The following YEATS4 variants were observed in gnomAD, a reference collection of about 807,000 sequenced individuals.
YEATS4 encodes YEATS domain containing 4.
Under a neutral mutation model 30.1 loss-of-function variants are expected in YEATS4, and 17 were observed. The ratio of observed to expected loss-of-function variants is 0.56; its 90% CI spans 0.39 to 0.85. The LOEUF is 0.85. Among genes scored for constraint, YEATS4 ranks in the 40% least tolerant of loss-of-function variants. YEATS4 has a pLI of 0.00. For missense variants in YEATS4, 142 were observed against 268.3 expected (o/e 0.53, Z 3.29); for synonymous variants, 85 against 87.5 (o/e 0.97, Z 0.16).
the YEATS4 span, among the ~76,000 whole-genome samples, chr12:69,405,354 A>C: frequency 2.0e-5 from 3 of 152,250 alleles, no homozygotes; most frequent in African/African-American, 7.2e-5. Flanking sequence ...TAATAATAAA[A>C]TAGAACAATT....
downstream of YEATS4, among the ~76,000 whole-genome samples, chr12:69,395,285 T>C (rs2603079): frequency 0.36 from 54,071 of 151,936 alleles, 10,944 homozygotes; most frequent in African/African-American, 0.57. Context: ...AGAATTTTCA[T>C]TACAGCATTA....
intron 4 of YEATS4, among the ~76,000 whole-genome samples, chr12:69,366,186 A>C (rs1468299788): frequency 6.6e-6 from 1 of 152,162 alleles, no homozygotes; most frequent in African/African-American, 2.4e-5. Context: ...AGTAATAAAT[A>C]AGTTGAGCCC....
the YEATS4 span, among the ~76,000 whole-genome samples, chr12:69,399,015 C>T: frequency 6.6e-6 from 1 of 150,920 alleles, no homozygotes; most frequent in African/African-American, 2.4e-5. Context: ...GGCATGGTGG[C>T]GGGTGCCTGT....
At chr12:69,411,229 A>G in the YEATS4 span, among the ~76,000 whole-genome samples, 1 of 152,212 alleles carries the variant, frequency 6.6e-6, no homozygotes, top group Admixed American at 6.5e-5. Flanking sequence ...TCTCTGGCTC[A>G]GGTGATCCTC....
chr12:69,387,207 G>A (rs1189478058), intron 6 of YEATS4, among the ~76,000 whole-genome samples: 4 of 152,132 alleles, frequency 2.6e-5, no homozygotes, highest in African/African-American at 7.2e-5. Context: ...TTGTAGAAAG[G>A]GAGAAATGTC....
At chr12:69,362,019 T>TG (rs1356513230) in intron 1 of YEATS4, among the ~76,000 whole-genome samples, 1 of 49,644 alleles carries the variant, frequency 2.0e-5, no homozygotes. Context: ...GGTTGTTTTT[T>TG]TTTTTTTTTT....
At chr12:69,376,418 T>A (rs969215863) in intron 6 of YEATS4, among the ~76,000 whole-genome samples, 1 of 152,198 alleles carries the variant, frequency 6.6e-6, no homozygotes, top group African/African-American at 2.4e-5. Context: ...CAAGGCTAAT[T>A]TGACTTCTGC....
At chr12:69,373,930 T>A (rs1875741420) in intron 6 of YEATS4, among the ~76,000 whole-genome samples, 1 of 152,172 alleles carries the variant, frequency 6.6e-6, no homozygotes, top group Non-Finnish European at 1.5e-5. Flanking sequence ...AAAAATGAGT[T>A]CCCTGTAAGT....
At chr12:69,378,538 A>G (rs1413757192) in intron 6 of YEATS4, among the ~76,000 whole-genome samples, 2 of 150,954 alleles carry the variant, frequency 1.3e-5, no homozygotes, top group African/African-American at 4.9e-5. Flanking sequence ...TTTCTCTTTT[A>G]TGTTTCTAGG....
intron 5 of YEATS4, 43 bp downstream of exon 5, chr12:69,370,841 T>G: frequency 6.3e-7 from 1 of 1,598,556 alleles, no homozygotes. Flanking sequence ...CATTTGAAGT[T>G]GGAGAACTTT....
At chr12:69,404,420 G>C in the YEATS4 span, among the ~76,000 whole-genome samples, 1 of 152,182 alleles carries the variant, frequency 6.6e-6, no homozygotes, top group African/African-American at 2.4e-5. Context: ...GATTAAAGCT[G>C]TTTTCTCAGA....
chr12:69,370,927 A>G lies in YEATS4; in HGVS notation c.466A>G (p.Thr156Ala). 1 of 1,613,486 alleles carries G rather than the reference A, an allele frequency of 6.2e-7. No homozygotes were observed. Residue 156 changes from threonine (T) to alanine (A), a missense_variant, in exon 6 of 7, where the codon ACA (threonine) becomes GCA (alanine). Transcript: ENST00000247843. Reference protein sequence around the residue: ...DPTAMMQQLLTTSRQLTLGAY... With the variant: ...DPTAMMQQLLATSRQLTLGAY... Reference sequence around the variant, plus strand: ...AACAGCAATGATGCAACAATTATTGACAACATCTCGTCAGCTAACATTAGG... The same window carrying G: ...AACAGCAATGATGCAACAATTATTGGCAACATCTCGTCAGCTAACATTAGG...
At chr12:69,376,496 C>T (rs183377699) in intron 6 of YEATS4, among the ~76,000 whole-genome samples, 673 of 152,340 alleles carry the variant, frequency 4.4e-3, no homozygotes, top group Middle Eastern at 0.01. Context: ...ATCATTCTGT[C>T]GATATGAGGT....
At chr12:69,400,466 T>G in the YEATS4 span, among the ~76,000 whole-genome samples, 1 of 151,936 alleles carries the variant, frequency 6.6e-6, no homozygotes, top group Non-Finnish European at 1.5e-5. Context: ...TACAAATTGA[T>G]GAAAAAAATT....
chr12:69,421,881 T>C, the YEATS4 span, among the ~76,000 whole-genome samples: 247 of 152,272 alleles, frequency 1.6e-3, 2 homozygotes, highest in Middle Eastern at 0.014. Context: ...TTTCCCACTT[T>C]TAAAAACACC....
downstream of YEATS4, among the ~76,000 whole-genome samples, chr12:69,394,851 C>T (rs1014011194): frequency 3.3e-5 from 5 of 151,994 alleles, no homozygotes; most frequent in East Asian, 1.9e-4. Context: ...CAAAATGCTG[C>T]GATTACAGGC....
At chr12:69,408,365 G>A in the YEATS4 span, among the ~76,000 whole-genome samples, 8 of 152,194 alleles carry the variant, frequency 5.3e-5, no homozygotes, top group African/African-American at 1.9e-4. Context: ...GAGAGAGATT[G>A]TAATGGTATA....
chr12:69,411,849 C>T, the YEATS4 span, among the ~76,000 whole-genome samples: 32 of 152,246 alleles, frequency 2.1e-4, no homozygotes, highest in South Asian at 1.2e-3. Context: ...CCAATGTGGC[C>T]GATGCCAAGT....
chr12:69,392,886 TTAAC>T (rs1443737466), downstream of YEATS4, among the ~76,000 whole-genome samples: 11 of 152,306 alleles, frequency 7.2e-5, no homozygotes, highest in Admixed American at 4.6e-4. Flanking sequence ...CCTCCTTCCT[TTAAC>T]TAATTGTAGT....
Sources: allele counts gnomAD v4.1 joint callset (sites outside exome capture counted in the v4.1 genomes callset), GRCh38; gene constraint gnomAD v4.1.1; transcripts MANE v1.5; gene names NCBI Gene and HGNC (gene_info 2026-07-23, HGNC 2026-07-21).